The following ANKS1B variants were observed in gnomAD, a reference collection of about 807,000 sequenced individuals.
The protein encoded by ANKS1B is ankyrin repeat and sterile alpha motif domain containing 1B, also known as ankyrin repeat and sterile alpha motif domain-containing protein 1B.
Under a neutral mutation model 148.3 loss-of-function variants are expected in ANKS1B, and 36 were observed. The observed-to-expected ratio is 0.24, with a 90% confidence interval of 0.19 to 0.32. ANKS1B has a LOEUF of 0.32. Ranked by LOEUF, ANKS1B falls within the 10% of genes least tolerant of loss-of-function variation. The pLI, the probability that ANKS1B is intolerant of heterozygous loss-of-function variation, is 1.00. For synonymous variants in ANKS1B, 542 were observed against 560.8 expected (o/e 0.97, Z 0.47); for missense variants, 1,157 against 1,542.6 (o/e 0.75, Z 4.19).
intron 9 of ANKS1B, among the ~76,000 whole-genome samples, chr12:99,623,311 G>A (rs918920422): frequency 4.0e-5 from 6 of 151,830 alleles, no homozygotes; most frequent in Middle Eastern, 3.2e-3. Context: ...TCTGAACAGG[G>A]AAAAAATTGA....
chr12:99,449,268 G>C (rs1167245777), intron 10 of ANKS1B, among the ~76,000 whole-genome samples: 1 of 151,948 alleles, frequency 6.6e-6, no homozygotes, highest in Non-Finnish European at 1.5e-5. Flanking sequence ...CTGGATTTGT[G>C]GTTCTGACTC....
rs367637188 is a variant in ANKS1B, at chr12:99,246,506, G to T, written c.2115C>A (p.Asn705Lys). ...AGGCTCTCTCCACAAATCCCCCTGC[G>T]TTCATAACCCACTGGTCCCCATTCC... ...GSRNGDQWVM[N>K]AGGFVERACT... The change falls in exon 13 of 27, where the codon AAC (asparagine) becomes AAA (lysine). Residue 705 changes from asparagine (N) to lysine (K), a missense_variant. Physicochemically the swap from Asn to Lys is moderately conservative, Grantham distance 94. Around this residue, in one of 6 missense-constraint regions of ANKS1B, gnomAD observed 661 missense variants for 642.1 expected, o/e 1.03. Transcript: ENST00000683438. The T allele has an allele frequency of 1.2e-6, 2 of 1,613,702 alleles. No homozygotes were observed. Among genetic ancestry groups the T allele is most frequent in the Non-Finnish European group, 1.7e-6 (2 of 1,179,830 alleles).
chr12:99,027,650 C>T (rs998160748), intron 17 of ANKS1B, among the ~76,000 whole-genome samples: 3 of 152,338 alleles, frequency 2.0e-5, no homozygotes, highest in Admixed American at 2.0e-4. Flanking sequence ...CCATGACTCA[C>T]CCCGAAGGGT....
At position 99,953,940 on chromosome 12, in the gene ANKS1B, T is replaced by C. The variant is rs183937975; in HGVS notation, c.134+30164A>G. ...GAGAGTGAAAAAGGTTTGGAACAGC[T>C]GGTCTGGTAAATGTAATAGGGGGTT... On this transcript the variant is annotated intron_variant, in intron 1 of 26. Transcript: ENST00000683438. Among the ~76,000 whole-genome samples the C allele has an allele frequency of 2.6e-5, 4 of 152,014 alleles. No homozygotes were observed. In the East Asian group the frequency reaches 7.7e-4, roughly 29 times the overall value.
intron 10 of ANKS1B, among the ~76,000 whole-genome samples, chr12:99,494,459 T>G (rs565597056): frequency 3.9e-5 from 6 of 152,130 alleles, no homozygotes; most frequent in Non-Finnish European, 5.9e-5. Context: ...ATTGTTGATG[T>G]GCACAATGCA....
chr12:99,499,908 C>T (rs1398085), intron 10 of ANKS1B, among the ~76,000 whole-genome samples: 37,720 of 151,456 alleles, frequency 0.25, 5,322 homozygotes, highest in African/African-American at 0.38. Context: ...ACTTAAAATA[C>T]GTGGCATTAG....
chr12:99,000,369 A>G (rs560015034), intron 17 of ANKS1B, among the ~76,000 whole-genome samples: 4 of 150,876 alleles, frequency 2.7e-5, no homozygotes, highest in African/African-American at 9.7e-5. Flanking sequence ...TCCGGGTTCA[A>G]GCAATTCTCT....
At chr12:99,491,649 C>A (rs1327302548) in intron 10 of ANKS1B, among the ~76,000 whole-genome samples, 3 of 152,032 alleles carry the variant, frequency 2.0e-5, no homozygotes, top group Non-Finnish European at 4.4e-5. Flanking sequence ...ATGAGCACTT[C>A]TCATCATTTA....
chr12:99,845,164 C>T (rs1177499047), intron 1 of ANKS1B, among the ~76,000 whole-genome samples: 4 of 152,074 alleles, frequency 2.6e-5, no homozygotes, highest in Non-Finnish European at 4.4e-5. Context: ...TATAGGATCA[C>T]GTTATCTGCA....
intron 16 of ANKS1B, among the ~76,000 whole-genome samples, chr12:99,084,222 A>G (rs918850968): frequency 6.6e-6 from 1 of 152,106 alleles, no homozygotes; most frequent in African/African-American, 2.4e-5. Flanking sequence ...GTTGCAGGAG[A>G]TATCGTCTCT....
intron 16 of ANKS1B, among the ~76,000 whole-genome samples, chr12:99,057,917 G>C (rs1484789503): frequency 6.6e-6 from 1 of 152,134 alleles, no homozygotes; most frequent in Non-Finnish European, 1.5e-5. Context: ...TAGCTCGATG[G>C]GGCTCAGGAA....
rs184250754 is a variant in ANKS1B, at chr12:98,815,389, C to T, written c.3067-7471G>A. On this transcript the variant is annotated intron_variant, in intron 19 of 26. Transcript: ENST00000683438. ...CTTGATCACTCCTCCATTCCTTAGC[C>T]TCTTTGGCTGCTTCCTGTTATCTGA... 6.6e-5 allele frequency among the ~76,000 whole-genome samples: 10 copies of T among 152,290 alleles called. No homozygotes were observed. In the East Asian group the frequency reaches 1.9e-3, roughly 29 times the overall value.
Position 98,801,015 on chromosome 12 carries a change from C to A in ANKS1B, c.3252G>T (p.Ser1084=). 6.2e-7 allele frequency: 1 copy of A among 1,611,978 alleles called. No individual in the cohort carries two copies. The highest frequency in any genetic ancestry group is 8.5e-7 in the Non-Finnish European group (1 of 1,178,946). Residue 1084 remains serine, a synonymous_variant, in exon 21 of 27, where the codon TCG becomes TCT. Coordinates refer to ENST00000683438, the MANE Select transcript of ANKS1B (RefSeq NM_001352186.2). The surrounding 1 kb of genome is among the most constrained non-coding windows in gnomAD (Gnocchi z 5.2). The part of the protein sequence containing the change: ...QHHPEKLIFQ[S]CDYKAFYLGS... ...AACTTACAAAAGCTTTGTAATCACA[C>A]GACTGGAAGATAAGCTTTTCTGGGT...
chr12:99,156,219 C>G (rs1400831582), intron 14 of ANKS1B, among the ~76,000 whole-genome samples: 1 of 152,142 alleles, frequency 6.6e-6, no homozygotes, highest in Non-Finnish European at 1.5e-5. Flanking sequence ...CATCCCTCTT[C>G]CCAGTGTGAT....
intron 14 of ANKS1B, among the ~76,000 whole-genome samples, chr12:99,228,695 A>T (rs914360911): frequency 1.3e-5 from 2 of 152,034 alleles, no homozygotes; most frequent in African/African-American, 4.8e-5. Flanking sequence ...CAAGAACATA[A>T]ACAAAAGAAC....
chr12:99,979,074 GT>G (rs373452781), intron 1 of ANKS1B, among the ~76,000 whole-genome samples: 25 of 151,154 alleles, frequency 1.7e-4, no homozygotes, highest in African/African-American at 4.6e-4. Flanking sequence ...AGGAAGAGAG[GT>G]TTTTTTTTAA....
rs1438428250 is a variant in ANKS1B at position 99,341,591 on chromosome 12, T to A, written c.1756+58040A>T. On this transcript the variant is annotated intron_variant, in intron 12 of 26. Transcript: ENST00000683438. ...AGTAGAACCAAATTCCCAATAGAAA[T>A]GTAGCTTCAAGGAAATCTAGAAATA... Among the ~76,000 whole-genome samples, 5 of 152,116 alleles carry A rather than the reference T, an allele frequency of 3.3e-5. No individual in the cohort carries two copies. In the South Asian group the frequency reaches 6.2e-4, roughly 19 times the overall value.
At chr12:99,327,333 A>C (rs939315941) in intron 12 of ANKS1B, among the ~76,000 whole-genome samples, 1 of 127,010 alleles carries the variant, frequency 7.9e-6, no homozygotes, top group Non-Finnish European at 1.6e-5. Context: ...TATTATATAT[A>C]ATTATATATT....
intron 17 of ANKS1B, among the ~76,000 whole-genome samples, chr12:98,986,434 C>A (rs1302766508): frequency 6.6e-6 from 1 of 151,914 alleles, no homozygotes; most frequent in Non-Finnish European, 1.5e-5. Flanking sequence ...ATTGTCTTAT[C>A]TTCAAGTCCT....
Sources: gnomAD v4.1 joint callset for allele counts (sites outside exome capture counted in the v4.1 genomes callset) on GRCh38, gnomAD v4.1.1 for gene constraint, gnomAD v4.1.1 regional missense constraint, Gnocchi (gnomAD v3.1) non-coding constraint, MANE v1.5 for transcripts, NCBI Gene and HGNC (gene_info 2026-07-23, HGNC 2026-07-21) for gene names.